Variants in PSG11 observed in about 807,000 individuals in gnomAD.
The protein encoded by PSG11 is pregnancy-specific beta-1-glycoprotein 11.
PSG11 carries 42 observed loss-of-function variants against 36.0 expected under a neutral mutation model. That is an observed-to-expected ratio of 1.17 (90% confidence interval 0.91 to 1.51). PSG11 has a LOEUF of 1.51. Ranked by LOEUF, PSG11 falls within the 40% of genes most tolerant of loss-of-function variation. The pLI, the probability that PSG11 is intolerant of heterozygous loss-of-function variation, is 0.00. For synonymous variants in PSG11, 206 were observed against 153.5 expected, an observed-to-expected ratio of 1.34 and a Z score of -2.53; for missense variants, 558 against 403.5, an observed-to-expected ratio of 1.38 and a Z score of -3.28.
chr19:43,020,302 C>G (rs1967072293), intron 2 of PSG11, among the ~76,000 whole-genome samples: 1 of 151,342 alleles, frequency 6.6e-6, no homozygotes, highest in Non-Finnish European at 1.5e-5. Flanking sequence ...CATCCCAAAT[C>G]TGAAAAATTT....
intron 2 of PSG11, among the ~76,000 whole-genome samples, chr19:43,020,952 G>C (rs1438544067): frequency 6.6e-6 from 1 of 151,376 alleles, no homozygotes; most frequent in Admixed American, 6.6e-5. Context: ...AGGAGTCTAA[G>C]TGAGATGCCA....
Position 43,024,980 on chromosome 19 carries a change from C to G in PSG11, c.141G>C (p.Glu47Asp), listed in dbSNP as rs1424069467. 2 of 1,611,570 alleles carry G rather than the reference C, an allele frequency of 1.2e-6. No homozygotes were observed. Among genetic ancestry groups the G allele is most frequent in the Non-Finnish European group, 1.7e-6 (2 of 1,178,846 alleles). The stretch of plus-strand genomic sequence containing the variant: ...GGACAAGTAGAAGAACATCCTTCCC[C>G]TCGGACACTTTGGGTGGCTGGGCTT... ...MIEAQPPKVS[E>D]GKDVLLLVHN... The change falls in exon 2 of 6, where the codon GAG (glutamate) becomes GAC (aspartate). Residue 47 changes from glutamate (E) to aspartate (D), a missense_variant. By Grantham distance (45) the Glu-to-Asp change is conservative. Transcript: ENST00000320078.
Position 43,024,608 on chromosome 19 carries a change from T to A in PSG11, c.430+83A>T, listed in dbSNP as rs527454616. ...ATAATGCAGAGAGGGACACAGGCAATGTCCAGGCCTGACAATCCTGTGTGT... is the reference window on the plus strand; with the variant it reads ...ATAATGCAGAGAGGGACACAGGCAAAGTCCAGGCCTGACAATCCTGTGTGT... On this transcript the variant is annotated intron_variant, in intron 2 of 5. Coordinates refer to ENST00000320078, the MANE Select transcript of PSG11 (RefSeq NM_002785.3). 265 of 1,602,610 alleles carry A rather than the reference T, an allele frequency of 1.7e-4. 17 individuals carry two copies. In the African/African-American group the frequency reaches 2.7e-3, roughly 16 times the overall value.
chr19:43,015,224 GC>G lies in PSG11; in HGVS notation c.855del (p.Lys285AsnfsTer32), dbSNP rs1966929331. On this transcript the variant is annotated frameshift_variant, in exon 4 of 6. Coordinates refer to ENST00000320078, the MANE Select transcript of PSG11 (RefSeq NM_002785.3). LOFTEE classifies it high-confidence loss of function. ...TTTGGAGTAATCTGAGGGATAAAGA[GC>G]TTTTGTCCTGATAGCTGAAACTTCC... ...INGKFQLSGQ[K>X]LFIPQITPKH... 2 of 1,611,532 alleles carry G rather than the reference GC, an allele frequency of 1.2e-6. No homozygotes were observed. The highest frequency in any genetic ancestry group is 4.5e-5 in the East Asian group (2 of 44,806).
In PSG11 at chr19:43,007,772, T is replaced by C. The variant is rs1408698497; in HGVS notation, c.*311A>G. The C allele has an allele frequency of 1.6e-5, 4 of 257,490 alleles. No homozygotes were observed. The highest frequency in any genetic ancestry group is 3.1e-5 in the Non-Finnish European group (4 of 129,592). The allele number at this position is 257,490 out of a possible 1,614,324, so 16.0% of individuals were successfully genotyped here. A position where few individuals can be genotyped will look rare whatever the true frequency, so the allele number is the denominator to read the frequency against. On this transcript the variant is annotated 3_prime_UTR_variant, in exon 6 of 6. Transcript: ENST00000320078. ...GTTTCAATTTTTGTTTACAAAAGTA[T>C]ACTTTACCAATTGCTGAAGAAAAAA...
intron 1 of PSG11, 126 bp downstream of exon 1, chr19:43,026,183 C>T (rs1256488913): frequency 2.1e-5 from 30 of 1,422,358 alleles, no homozygotes; most frequent in Non-Finnish European, 2.9e-5. Flanking sequence ...TCTCGTGATC[C>T]ACCCACCTCA....
chr19:43,018,814 G>C lies in PSG11; in HGVS notation c.665C>G (p.Ser222Ter), dbSNP rs1967030586. ...TGGGTCACTGCGGCTGGCACTCCCT[G>C]AGTTCCATATTTCACATTCATAGGG... is the stretch of plus-strand genomic sequence containing the variant. ...AGPYECEIWN[S>*]GSASRSDPVT... is the part of the protein sequence containing the mutation. Residue 222 changes from serine (S) to a stop codon, truncating the protein, a stop_gained, in exon 3 of 6, where the codon TCA becomes TGA. Transcript: ENST00000320078. LOFTEE classifies it high-confidence loss of function. 6.2e-7 allele frequency: 1 copy of C among 1,612,110 alleles called. No homozygotes were observed. The highest frequency in any genetic ancestry group is 1.3e-5 in the African/African-American group (1 of 74,574).
chr19:43,016,294 A>G (rs2354822), intron 3 of PSG11, among the ~76,000 whole-genome samples: 3,420 of 151,334 alleles, frequency 0.023, 245 homozygotes, highest in African/African-American at 0.077. Context: ...TGGGTCATGG[A>G]CAGATACGTC....
chr19:43,015,462 A>G, intron 3 of PSG11, 92 bp from the exon 4 acceptor site: 3 of 1,460,808 alleles, frequency 2.1e-6, no homozygotes, highest in Non-Finnish European at 2.8e-6. Flanking sequence ...CCTCTGAGCC[A>G]AGACACACCC....
intron 1 of PSG11, 104 bp from the exon 2 acceptor site, chr19:43,025,160 G>GACAAACAC (rs1555758040): frequency 8.0e-7 from 1 of 1,251,820 alleles, no homozygotes; most frequent in Non-Finnish European, 1.1e-6. Context: ...CAGCCTTGAA[G>GACAAACAC]ACACACACAC....
intron 2 of PSG11, among the ~76,000 whole-genome samples, chr19:43,023,398 C>T (rs1967152279): frequency 6.6e-6 from 1 of 150,926 alleles, no homozygotes; most frequent in Non-Finnish European, 1.5e-5. Context: ...AAAACAAGGT[C>T]CTCTCCTTGA....
At chr19:43,022,750 A>C (rs1021533588) in intron 2 of PSG11, among the ~76,000 whole-genome samples, 2 of 151,140 alleles carry the variant, frequency 1.3e-5, no homozygotes, top group African/African-American at 4.9e-5. Context: ...ATACAGTGGA[A>C]GCTCATTCTC....
At chr19:43,022,826 G>A (rs1232462011) in intron 2 of PSG11, among the ~76,000 whole-genome samples, 1 of 150,778 alleles carries the variant, frequency 6.6e-6, no homozygotes, top group Non-Finnish European at 1.5e-5. Context: ...GGTGATTTCT[G>A]CACCTTTCCT....
At chr19:43,016,601 C>T (rs1397925841) in intron 3 of PSG11, among the ~76,000 whole-genome samples, 1 of 151,448 alleles carries the variant, frequency 6.6e-6, no homozygotes, top group Non-Finnish European at 1.5e-5. Context: ...GCCTGGAGGT[C>T]AGTTCAGTCA....
At chr19:43,020,810 G>C (rs1473647931) in intron 2 of PSG11, among the ~76,000 whole-genome samples, 1 of 150,836 alleles carries the variant, frequency 6.6e-6, no homozygotes, top group Non-Finnish European at 1.5e-5. Context: ...AATATAGAAA[G>C]AACTTCCTGC....
intron 4 of PSG11, among the ~76,000 whole-genome samples, chr19:43,011,866 G>C (rs1330555449): frequency 6.7e-6 from 1 of 149,574 alleles, no homozygotes; most frequent in Non-Finnish European, 1.5e-5. Flanking sequence ...ATTCCATCCT[G>C]GGCTGGCCTA....
intron 4 of PSG11, among the ~76,000 whole-genome samples, chr19:43,011,661 AG>A (rs1974078789): frequency 6.6e-6 from 1 of 151,292 alleles, no homozygotes; most frequent in African/African-American, 2.4e-5. Context: ...TCACAGCAGA[AG>A]GATTTCTTGA....
intron 2 of PSG11, among the ~76,000 whole-genome samples, chr19:43,022,653 A>T (rs1683086871): frequency 6.6e-6 from 1 of 151,298 alleles, no homozygotes; most frequent in South Asian, 2.1e-4. Context: ...TCTGACAATG[A>T]TAAGAGTGGT....
intron 5 of PSG11, among the ~76,000 whole-genome samples, chr19:43,009,693 G>C (rs1402163717): frequency 6.6e-6 from 1 of 151,194 alleles, no homozygotes; most frequent in African/African-American, 2.4e-5. Context: ...AATGAAGAAG[G>C]TTTCACCATG....
Sources: allele counts gnomAD v4.1 joint callset (sites outside exome capture counted in the v4.1 genomes callset), GRCh38; gene constraint gnomAD v4.1.1; transcripts MANE v1.5; gene names NCBI Gene and HGNC (gene_info 2026-07-23, HGNC 2026-07-21).